The following FBXO36 variants were observed in gnomAD, a reference collection of about 807,000 sequenced individuals.
FBXO36 encodes the protein F-box protein 36.
In FBXO36, 18 loss-of-function variants were observed where a neutral mutation model predicts 17.0. The ratio of observed to expected loss-of-function variants is 1.06; its 90% CI spans 0.73 to 1.57. FBXO36 has a LOEUF of 1.57. Among genes scored for constraint, FBXO36 ranks in the 40% most tolerant of loss-of-function variants. The probability of loss-of-function intolerance (pLI) is 0.00; values close to 1 mark genes in which losing one functional copy is unlikely to be tolerated. For synonymous variants in FBXO36, 83 were observed against 85.3 expected, an observed-to-expected ratio of 0.97 and a Z score of 0.15; for missense variants, 229 against 221.9, an observed-to-expected ratio of 1.03 and a Z score of -0.20.
At chr2:229,984,430 G>A (rs1187829851) in intron 2 of FBXO36, among the ~76,000 whole-genome samples, 2 of 139,748 alleles carry the variant, frequency 1.4e-5, no homozygotes, top group African/African-American at 2.7e-5. Context: ...TCGCTCTGTC[G>A]CCCGGGCTGG....
chr2:229,986,533 A>AATTTTT (rs1560450936), intron 2 of FBXO36, among the ~76,000 whole-genome samples: 1 of 140,364 alleles, frequency 7.1e-6, no homozygotes, highest in African/African-American at 2.6e-5. Context: ...AAACATAAAA[A>AATTTTT]TTTTTTTTTT....
chr2:229,927,801 TA>T (rs1309475226), intron 1 of FBXO36, among the ~76,000 whole-genome samples: 1 of 151,454 alleles, frequency 6.6e-6, no homozygotes, highest in Non-Finnish European at 1.5e-5. Context: ...AAATGGCAAT[TA>T]TTTTTGAAGT....
At chr2:229,945,890 C>T (rs571899868) in intron 1 of FBXO36, among the ~76,000 whole-genome samples, 4 of 151,852 alleles carry the variant, frequency 2.6e-5, no homozygotes, top group South Asian at 2.1e-4. Context: ...GGCATGTTGG[C>T]GCATGCCTGT....
At chr2:229,948,785 C>G (rs183603618) in intron 1 of FBXO36, among the ~76,000 whole-genome samples, 135 of 152,238 alleles carry the variant, frequency 8.9e-4, no homozygotes, top group Admixed American at 1.8e-3. Context: ...GGAAAGGGGC[C>G]TGGTTCCCTG....
intron 3 of FBXO36, among the ~76,000 whole-genome samples, chr2:230,001,310 CAG>C (rs1203873294): frequency 6.6e-6 from 1 of 151,586 alleles, no homozygotes; most frequent in Non-Finnish European, 1.5e-5. Flanking sequence ...TCTTTTGAGA[CAG>C]AGTCTCGCTC....
intron 3 of FBXO36, among the ~76,000 whole-genome samples, chr2:230,009,800 G>A (rs976290400): frequency 6.6e-6 from 1 of 151,898 alleles, no homozygotes; most frequent in Non-Finnish European, 1.5e-5. Flanking sequence ...ACAAAAATTA[G>A]CCAGGCATGG....
chr2:229,963,605 C>T lies in FBXO36; in HGVS notation c.97-12636C>T, dbSNP rs146799642. On this transcript the variant is annotated intron_variant, in intron 1 of 3. Transcript: ENST00000283946. The stretch of plus-strand genomic sequence containing the variant: ...GACTACAGGCGCCCGCCACCATGCC[C>T]GGCTAATTTTTTGTATTTTTAGTAG... Among the ~76,000 whole-genome samples the T allele has an allele frequency of 5.2e-3, 789 of 152,010 alleles. 5 individuals carry two copies. The highest frequency in any genetic ancestry group is 0.016 in the African/African-American group (675 of 41,500).
At chr2:229,935,067 A>G (rs1219322041) in intron 1 of FBXO36, among the ~76,000 whole-genome samples, 2 of 152,212 alleles carry the variant, frequency 1.3e-5, no homozygotes, top group Non-Finnish European at 2.9e-5. Context: ...GTTATATGCC[A>G]CAGTTTAACG....
intron 1 of FBXO36, among the ~76,000 whole-genome samples, chr2:229,930,103 G>T (rs933468680): frequency 6.6e-6 from 1 of 152,030 alleles, no homozygotes; most frequent in Admixed American, 6.6e-5. Flanking sequence ...ATCCTAGCAC[G>T]TTGGGAGACC....
intron 3 of FBXO36, among the ~76,000 whole-genome samples, chr2:230,008,863 T>C (rs1348829549): frequency 6.6e-6 from 1 of 152,222 alleles, no homozygotes; most frequent in African/African-American, 2.4e-5. Context: ...AGATAATGAG[T>C]GACCCTTCTA....
intron 1 of FBXO36, chr2:229,942,877 CTGA>C (rs1291985236): frequency 6.6e-6 from 1 of 152,208 alleles, no homozygotes; most frequent in Non-Finnish European, 1.5e-5. Flanking sequence ...GTGGTAGGAG[CTGA>C]TGTTTTTACC....
intron 2 of FBXO36, among the ~76,000 whole-genome samples, chr2:229,995,310 G>A (rs1479798247): frequency 6.6e-6 from 1 of 151,986 alleles, no homozygotes; most frequent in Non-Finnish European, 1.5e-5. Flanking sequence ...AGAACTGGGG[G>A]GAAATCCTTT....
At chr2:230,008,972 GC>G (rs914140288) in intron 3 of FBXO36, among the ~76,000 whole-genome samples, 1 of 152,172 alleles carries the variant, frequency 6.6e-6, no homozygotes, top group African/African-American at 2.4e-5. Context: ...GTTGATGTTT[GC>G]GCAGAAAGGA....
intron 1 of FBXO36, among the ~76,000 whole-genome samples, chr2:229,937,537 CTT>C (rs1423882257): frequency 2.0e-5 from 3 of 152,082 alleles, no homozygotes; most frequent in African/African-American, 7.2e-5. Flanking sequence ...AAACCAATAA[CTT>C]TTCATCTTCT....
intron 3 of FBXO36, among the ~76,000 whole-genome samples, chr2:230,003,173 G>A (rs752616187): frequency 7.3e-5 from 10 of 136,072 alleles, no homozygotes; most frequent in East Asian, 4.3e-4. Context: ...TCGGGCCACC[G>A]CACTTTACCC....
At chr2:230,001,542 C>T (rs2077358940) in intron 3 of FBXO36, among the ~76,000 whole-genome samples, 1 of 152,180 alleles carries the variant, frequency 6.6e-6, no homozygotes, top group Non-Finnish European at 1.5e-5. Context: ...CCTGCCTCGG[C>T]CTCCCAAAGT....
chr2:229,987,218 A>G (rs2077272942), intron 2 of FBXO36, among the ~76,000 whole-genome samples: 1 of 152,028 alleles, frequency 6.6e-6, no homozygotes, highest in African/African-American at 2.4e-5. Context: ...TCTCAAAAAA[A>G]AAAAAAAAAG....
intron 1 of FBXO36, among the ~76,000 whole-genome samples, chr2:229,951,758 A>G (rs1290096502): frequency 2.6e-5 from 4 of 152,216 alleles, no homozygotes; most frequent in African/African-American, 9.6e-5. Context: ...ACAGGCCAAA[A>G]CAATGGTCTC....
intron 1 of FBXO36, among the ~76,000 whole-genome samples, chr2:229,923,903 AG>A (rs2154386756): frequency 8.6e-6 from 1 of 115,622 alleles, no homozygotes; most frequent in African/African-American, 3.4e-5. Context: ...GCCAGGCTGG[AG>A]TGCAGTGGCG....
Sources: gnomAD v4.1 joint callset for allele counts (sites outside exome capture counted in the v4.1 genomes callset) on GRCh38, gnomAD v4.1.1 for gene constraint, MANE v1.5 for transcripts, NCBI Gene and HGNC (gene_info 2026-07-23, HGNC 2026-07-21) for gene names.